Variants in SAMD10 observed in about 807,000 individuals in gnomAD.
SAMD10 encodes the protein sterile alpha motif domain-containing protein 10.
A neutral mutation model predicts 22.5 loss-of-function variants in SAMD10; 16 were observed. The ratio of observed to expected loss-of-function variants is 0.71; its 90% CI spans 0.48 to 1.08. The LOEUF is 1.08. Ranked by LOEUF, SAMD10 falls within the 50% of genes least tolerant of loss-of-function variation. The pLI, the probability that SAMD10 is intolerant of heterozygous loss-of-function variation, is 0.00. For synonymous variants in SAMD10, 118 were observed against 122.2 expected (o/e 0.97, Z 0.23); for missense variants, 227 against 281.3 (o/e 0.81, Z 1.38).
At position 63,977,206 on chromosome 20, in the gene SAMD10, G is replaced by T; in HGVS notation, c.273+19C>A. The T allele has an allele frequency of 6.2e-7, 1 of 1,613,178 alleles. No homozygotes were observed. Among genetic ancestry groups the T allele is most frequent in the Non-Finnish European group, 8.5e-7 (1 of 1,179,484 alleles). On this transcript the variant is annotated intron_variant, in intron 2 of 4. Coordinates refer to ENST00000369886, the MANE Select transcript of SAMD10 (RefSeq NM_080621.5). The surrounding 1 kb of genome is among the most constrained non-coding windows in gnomAD (Gnocchi z 5.4). Reference sequence around the variant, plus strand: ...GGAGAAGGAGGGCAGGGACGGAGGTGGGTGGAGTGGGTGGGTACCTGGGGG... The same window carrying T: ...GGAGAAGGAGGGCAGGGACGGAGGTTGGTGGAGTGGGTGGGTACCTGGGGG...
chr20:63,976,799 A>C (rs1366877941), intron 3 of SAMD10, among the ~76,000 whole-genome samples, 172 bp downstream of exon 3: 1 of 146,944 alleles, frequency 6.8e-6, no homozygotes, highest in Non-Finnish European at 1.5e-5. Flanking sequence ...AAAGAAAGGC[A>C]GAGAGATAGA....
In SAMD10 at chr20:63,974,492, G is replaced by A. The variant is rs1292638395; in HGVS notation, c.*1018C>T. ...CTGAGATTTTCAGAAGCCACAGGGG[G>A]ACTGGGAGAGGGCAGAGGCGCAAGA... On this transcript the variant is annotated 3_prime_UTR_variant, in exon 5 of 5. Coordinates refer to ENST00000369886, the MANE Select transcript of SAMD10 (RefSeq NM_080621.5). 1 of 152,870 alleles carries A rather than the reference G, an allele frequency of 6.5e-6. No homozygotes were observed. Among genetic ancestry groups the A allele is most frequent in the Non-Finnish European group, 1.5e-5 (1 of 68,254 alleles). 9.5% of individuals were successfully genotyped at this position (152,870 alleles called of 1,614,324 possible).
At chr20:63,978,397 CT>C (rs1332558998) in intron 1 of SAMD10, 20 of 963,674 alleles carry the variant, frequency 2.1e-5, no homozygotes, top group Admixed American at 7.1e-5. Context: ...AGGCCTGCCC[CT>C]GTCTTTACAG....
rs1229430217 is a variant in SAMD10, at chr20:63,979,436, G to A, written c.32C>T (p.Pro11Leu). 4.7e-6 allele frequency: 7 copies of A among 1,474,860 alleles called. No individual in the cohort carries two copies. The South Asian group carries it at 9.0e-5, about 19-fold the overall frequency. The allele number at this position is 1,474,860 out of a possible 1,614,324, so 91.4% of individuals were successfully genotyped here. The change falls in exon 1 of 5, where the codon CCC becomes CTC. Residue 11 changes from proline (P) to leucine (L), a missense_variant. Transcript: ENST00000369886. The surrounding 1 kb of genome is among the most constrained non-coding windows in gnomAD (Gnocchi z 7.7). Reference sequence around the variant, plus strand: ...CACGGCCCCGGCGCGGCCACGCGGGGGGCTCAGCTTGGACCTCAGCTCGGT... The same window carrying A: ...CACGGCCCCGGCGCGGCCACGCGGGAGGCTCAGCTTGGACCTCAGCTCGGT... MFTELRSKLS[P>L]PRGRAGAVRA...
chr20:63,976,846 G>A (rs1190133675), intron 3 of SAMD10, 125 bp downstream of exon 3: 1 of 785,710 alleles, frequency 1.3e-6, no homozygotes, highest in Non-Finnish European at 2.1e-6. Context: ...ACAGAGGGGA[G>A]GTTGATTCAC....
rs192778338 is a variant in SAMD10, at chr20:63,977,750, C to T, written c.92-344G>A. ...TATCCTGGGACAGCCCTGACCTCAC[C>T]CTTGCCTTGGGCTGGCCCACAAGTC... On this transcript the variant is annotated intron_variant, in intron 1 of 4. Coordinates refer to ENST00000369886, the MANE Select transcript of SAMD10 (RefSeq NM_080621.5). The surrounding 1 kb of genome is among the most constrained non-coding windows in gnomAD (Gnocchi z 5.4). Among the ~76,000 whole-genome samples, 2 of 152,358 alleles carry T rather than the reference C, an allele frequency of 1.3e-5. No individual in the cohort carries two copies. The highest frequency in any genetic ancestry group is 3.9e-4 in the East Asian group (2 of 5,188).
In SAMD10 at chr20:63,979,250, A is replaced by C; in HGVS notation, c.91+127T>G. 1.6e-6 allele frequency: 1 copy of C among 624,958 alleles called. No homozygotes were observed. The highest frequency in any genetic ancestry group is 2.5e-6 in the Non-Finnish European group (1 of 404,402). 38.7% of individuals were successfully genotyped at this position (624,958 alleles called of 1,614,324 possible). A position where few individuals can be genotyped will look rare whatever the true frequency, so the allele number is the denominator to read the frequency against. On this transcript the variant is annotated intron_variant, in intron 1 of 4. Coordinates refer to ENST00000369886, the MANE Select transcript of SAMD10 (RefSeq NM_080621.5). This position sits in a 1 kb window ranked among gnomAD's most constrained non-coding sequence, Gnocchi z 7.7. The stretch of plus-strand genomic sequence containing the variant: ...AAGGCTACGGGACCCCGTTGAGCCG[A>C]GACATCCGCCGAATACCCCCAGCCA...
chr20:63,979,213 T>G lies in SAMD10; in HGVS notation c.91+164A>C, dbSNP rs532983078. ...CCAAGGCCTGAGGCTGGCTGCCCCC[T>G]AAAGCAGGACAAAGGCTACGGGACC... On this transcript the variant is annotated intron_variant, in intron 1 of 4. Coordinates refer to ENST00000369886, the MANE Select transcript of SAMD10 (RefSeq NM_080621.5). The surrounding 1 kb of genome is among the most constrained non-coding windows in gnomAD (Gnocchi z 7.7). 1.3e-5 allele frequency among the ~76,000 whole-genome samples: 2 copies of G among 150,740 alleles called. No individual in the cohort carries two copies. The highest frequency in any genetic ancestry group is 4.0e-4 in the East Asian group (2 of 5,046).
In SAMD10 at chr20:63,977,096, G is replaced by T; in HGVS notation, c.320C>A (p.Ser107Ter). ...CACGGGCCGGGTCAGGCCACCCAGCGAGGGGCTTGTATGGTACAGGCCATA... is the reference window on the plus strand; with the variant it reads ...CACGGGCCGGGTCAGGCCACCCAGCTAGGGGCTTGTATGGTACAGGCCATA... ...DHYGLYHTSP[S>*]LGGLTRPVVL... Residue 107 changes from serine (S) to a stop codon, truncating the protein, a stop_gained, in exon 3 of 5, where the codon TCG becomes TAG. Coordinates refer to ENST00000369886, the MANE Select transcript of SAMD10 (RefSeq NM_080621.5). LOFTEE classifies it high-confidence loss of function. This position sits in a 1 kb window ranked among gnomAD's most constrained non-coding sequence, Gnocchi z 5.4. 6.2e-7 allele frequency: 1 copy of T among 1,614,114 alleles called. No homozygotes were observed. The highest frequency in any genetic ancestry group is 8.5e-7 in the Non-Finnish European group (1 of 1,180,026).
rs776323898 is a variant in SAMD10, at chr20:63,977,040, A to G, written c.376T>C (p.Trp126Arg). 1 of 1,614,148 alleles carries G rather than the reference A, an allele frequency of 6.2e-7. No individual in the cohort carries two copies. Residue 126 changes from tryptophan (W) to arginine (R), a missense_variant, in exon 3 of 5, where the codon TGG becomes CGG. Coordinates refer to ENST00000369886, the MANE Select transcript of SAMD10 (RefSeq NM_080621.5). The surrounding 1 kb of genome is among the most constrained non-coding windows in gnomAD (Gnocchi z 5.4). ...VLWSQQDVCK[W>R]LKKHCPHNYL... is the part of the protein sequence containing the mutation. ...TTGTGGGGACAGTGCTTCTTGAGCC[A>G]CTTGCAGACGTCCTGCTGACTCCAC...
chr20:63,975,783 C>T lies in SAMD10; in HGVS notation c.495G>A (p.Leu165=). The T allele has an allele frequency of 6.2e-7, 1 of 1,604,304 alleles. No individual in the cohort carries two copies. ...CCTCCTGCCTCTGGGCCTCCTGGGC[C>T]AGCCCCATCCGCTGCAGCTTCTCCG... ...LNAEKLQRMG[L]AQEAQRQEVL... Residue 165 remains leucine (L), a synonymous_variant, in exon 4 of 5, where the codon CTG becomes CTA. Coordinates refer to ENST00000369886, the MANE Select transcript of SAMD10 (RefSeq NM_080621.5).
In SAMD10 at chr20:63,979,447, G is replaced by A. The variant is rs771219073; in HGVS notation, c.21C>T (p.Ser7=). The A allele has an allele frequency of 1.4e-6, 2 of 1,463,836 alleles. No homozygotes were observed. Among genetic ancestry groups the A allele is most frequent in the South Asian group, 2.6e-5 (2 of 77,026 alleles). The allele number at this position is 1,463,836 out of a possible 1,614,324, so 90.7% of individuals were successfully genotyped here. A position where few individuals can be genotyped will look rare whatever the true frequency, so the allele number is the denominator to read the frequency against. ...CGCGGCCACGCGGGGGGCTCAGCTT[G>A]GACCTCAGCTCGGTGAACATGGGGC... MFTELR[S]KLSPPRGRAG... is the part of the protein sequence containing the mutation. The change falls in exon 1 of 5, where the codon TCC becomes TCT. Residue 7 remains serine, a synonymous_variant. Transcript: ENST00000369886. This position sits in a 1 kb window ranked among gnomAD's most constrained non-coding sequence, Gnocchi z 7.7.
intron 1 of SAMD10, chr20:63,978,199 A>C: frequency 1.5e-6 from 1 of 683,322 alleles, no homozygotes; most frequent in Non-Finnish European, 2.3e-6. Flanking sequence ...ACTGCATTAA[A>C]GTGTTTCATC....
In SAMD10 at chr20:63,977,279, C is replaced by T. The variant is rs199532147; in HGVS notation, c.219G>A (p.Ala73=). The change falls in exon 2 of 5, where the codon GCG becomes GCA. Residue 73 remains alanine, a synonymous_variant. Transcript: ENST00000369886. The surrounding 1 kb of genome is among the most constrained non-coding windows in gnomAD (Gnocchi z 5.4). ...LTWHDSRSQR[A]ASSRPIKLLQ... ...GGAGCTTGATTGGCCTGCTGCTGGCCGCCCTCTGGCTGCGGGAGTCATGCC... is the reference window on the plus strand; with the variant it reads ...GGAGCTTGATTGGCCTGCTGCTGGCTGCCCTCTGGCTGCGGGAGTCATGCC... The T allele has an allele frequency of 1.0e-4, 161 of 1,613,250 alleles. No homozygotes were observed. Among genetic ancestry groups the T allele is most frequent in the Non-Finnish European group, 1.3e-4 (151 of 1,180,002 alleles).
At chr20:63,979,686 G>C, upstream of SAMD10, 3 of 985,296 alleles carry the variant, frequency 3.0e-6, no homozygotes, top group Non-Finnish European at 3.6e-6. The surrounding 1 kb of genome is among the most constrained non-coding windows in gnomAD (Gnocchi z 7.7). Flanking sequence ...GGCGGCGCGC[G>C]GGCCTGCGTG....
At chr20:63,978,266 T>G (rs1352153231) in intron 1 of SAMD10, 10 of 1,293,844 alleles carry the variant, frequency 7.7e-6, no homozygotes, top group Non-Finnish European at 8.2e-6. Flanking sequence ...GAGGCAGGCG[T>G]CTTGATCCAG....
intron 1 of SAMD10, chr20:63,978,134 G>A (rs1376672812): frequency 7.2e-6 from 3 of 416,090 alleles, no homozygotes; most frequent in Non-Finnish European, 1.4e-5. Context: ...TATGTGGGGT[G>A]CAGCCATTGC....
chr20:63,976,903 G>C, intron 3 of SAMD10, 68 bp downstream of exon 3: 4 of 1,501,824 alleles, frequency 2.7e-6, no homozygotes, highest in Non-Finnish European at 2.8e-6. Flanking sequence ...AAGGCAGGCT[G>C]AGTGTGGGGA....
intron 3 of SAMD10, among the ~76,000 whole-genome samples, 186 bp downstream of exon 3, chr20:63,976,785 A>G (rs1188077395): frequency 6.6e-6 from 1 of 151,386 alleles, no homozygotes; most frequent in Non-Finnish European, 1.5e-5. Flanking sequence ...AAAAAAAAAA[A>G]AAAAAAGAAA....
Sources: gnomAD v4.1 joint callset for allele counts (sites outside exome capture counted in the v4.1 genomes callset) on GRCh38, gnomAD v4.1.1 for gene constraint, Gnocchi (gnomAD v3.1) non-coding constraint, MANE v1.5 for transcripts, NCBI Gene and HGNC (gene_info 2026-07-23, HGNC 2026-07-21) for gene names.